Variants in PRELID2 observed in about 807,000 individuals in gnomAD.
PRELID2 encodes PRELI domain-containing protein 2.
A neutral mutation model predicts 28.4 loss-of-function variants in PRELID2; 25 were observed. The observed-to-expected ratio is 0.88, with a 90% CI of 0.64 to 1.23. The LOEUF (loss-of-function observed/expected upper bound fraction) is 1.23. PRELID2 is among the 50% of genes most tolerant of loss of function. The pLI is 0.00. For missense variants in PRELID2, 201 were observed against 214.4 expected, an observed-to-expected ratio of 0.94 and a Z score of 0.39; for synonymous variants, 76 against 71.6, an observed-to-expected ratio of 1.06 and a Z score of -0.31.
At chr5:145,256,587 G>A in the PRELID2 span, among the ~76,000 whole-genome samples, 1 of 151,876 alleles carries the variant, frequency 6.6e-6, no homozygotes, top group South Asian at 2.1e-4. Context: ...TTTGTGGGAG[G>A]GGACATTATT....
chr5:145,744,110 G>A (rs1756919514), intron 1 of PRELID2, among the ~76,000 whole-genome samples: 1 of 152,178 alleles, frequency 6.6e-6, no homozygotes, highest in Admixed American at 6.5e-5. Context: ...TTCCTCATTG[G>A]GTAGGGCTTC....
chr5:145,734,939 G>A (rs900834610), intron 1 of PRELID2, among the ~76,000 whole-genome samples: 1 of 152,104 alleles, frequency 6.6e-6, no homozygotes, highest in African/African-American at 2.4e-5. Flanking sequence ...TAACGGAAAT[G>A]TTTCATTTCA....
At chr5:145,713,407 A>T (rs1168107707) in intron 1 of PRELID2, among the ~76,000 whole-genome samples, 1 of 137,326 alleles carries the variant, frequency 7.3e-6, no homozygotes, top group African/African-American at 2.7e-5. Context: ...TCTGACTTTT[A>T]TATATACTTT....
intron 1 of PRELID2, among the ~76,000 whole-genome samples, chr5:145,741,587 T>C (rs1163662943): frequency 2.1e-5 from 2 of 94,802 alleles, no homozygotes; most frequent in African/African-American, 4.6e-5. Flanking sequence ...AAATAATTTA[T>C]ATATAAAATT....
chr5:145,575,095 C>T (rs1260099978), intron 1 of PRELID2, among the ~76,000 whole-genome samples: 1 of 152,142 alleles, frequency 6.6e-6, no homozygotes, highest in Admixed American at 6.6e-5. Context: ...TGTAGTGATG[C>T]TCTGAATCAT....
intron 1 of PRELID2, among the ~76,000 whole-genome samples, chr5:145,743,355 G>A (rs1213375006): frequency 6.7e-6 from 1 of 149,394 alleles, no homozygotes; most frequent in Admixed American, 6.7e-5. Flanking sequence ...AGGCTGCAGT[G>A]AGCTAAGATT....
chr5:145,568,241 G>C (rs1399894821), intron 1 of PRELID2, among the ~76,000 whole-genome samples: 1 of 152,172 alleles, frequency 6.6e-6, no homozygotes, highest in Non-Finnish European at 1.5e-5. Flanking sequence ...CACTCTAATA[G>C]AGACCCCTCC....
chr5:145,624,758 A>G (rs1361402366), intron 1 of PRELID2, among the ~76,000 whole-genome samples: 2 of 152,202 alleles, frequency 1.3e-5, no homozygotes, highest in Non-Finnish European at 2.9e-5. Flanking sequence ...AAACATTAAC[A>G]GCTTCTGTTC....
intron 1 of PRELID2, among the ~76,000 whole-genome samples, chr5:145,616,108 G>C (rs1581004670): frequency 6.6e-6 from 1 of 152,210 alleles, no homozygotes; most frequent in African/African-American, 2.4e-5. Flanking sequence ...TGAGAAGTCT[G>C]CTGTTAATCT....
chr5:145,298,498 A>G, the PRELID2 span, among the ~76,000 whole-genome samples: 1 of 152,224 alleles, frequency 6.6e-6, no homozygotes, highest in African/African-American at 2.4e-5. Flanking sequence ...TAAACATTGT[A>G]GCAGTTTTAA....
At chr5:145,423,694 G>A in the PRELID2 span, among the ~76,000 whole-genome samples, 1 of 111,976 alleles carries the variant, frequency 8.9e-6, no homozygotes, top group Non-Finnish European at 2.0e-5. Flanking sequence ...TCCTCCCGTA[G>A]CTCAGAGTAA....
the PRELID2 span, among the ~76,000 whole-genome samples, chr5:145,338,921 C>G: frequency 1.3e-5 from 2 of 152,130 alleles, no homozygotes; most frequent in African/African-American, 4.8e-5. Flanking sequence ...CTAAATCAAG[C>G]CTTACTGCGT....
chr5:145,384,100 C>T, the PRELID2 span, among the ~76,000 whole-genome samples: 4 of 152,052 alleles, frequency 2.6e-5, no homozygotes, highest in African/African-American at 4.8e-5. Context: ...AAAGTGAGAA[C>T]CACAATGATG....
chr5:145,462,593 G>A, the PRELID2 span, among the ~76,000 whole-genome samples: 12 of 152,178 alleles, frequency 7.9e-5, no homozygotes, highest in Non-Finnish European at 1.6e-4. Context: ...TCCCTACCCT[G>A]CTCTGTGACC....
chr5:145,248,364 T>C, the PRELID2 span, among the ~76,000 whole-genome samples: 1 of 152,142 alleles, frequency 6.6e-6, no homozygotes, highest in African/African-American at 2.4e-5. Flanking sequence ...TTAAAAATAT[T>C]AACTTAAAAT....
the PRELID2 span, among the ~76,000 whole-genome samples, chr5:145,386,828 C>T: frequency 2.0e-5 from 3 of 152,232 alleles, no homozygotes; most frequent in South Asian, 2.1e-4. Flanking sequence ...TATAGAGGAG[C>T]TTCAACCTCT....
At chr5:145,352,091 T>C in the PRELID2 span, among the ~76,000 whole-genome samples, 1 of 152,114 alleles carries the variant, frequency 6.6e-6, no homozygotes, top group Non-Finnish European at 1.5e-5. Flanking sequence ...CGTCAGTGGA[T>C]TTACCACTCT....
the PRELID2 span, among the ~76,000 whole-genome samples, chr5:145,397,933 C>T: frequency 2.6e-5 from 4 of 152,104 alleles, no homozygotes; most frequent in Admixed American, 2.6e-4. Flanking sequence ...CTGATCCCTT[C>T]AGATGAGCAA....
At chr5:145,517,512 T>C (rs1488580531) in intron 1 of PRELID2, among the ~76,000 whole-genome samples, 1 of 152,056 alleles carries the variant, frequency 6.6e-6, no homozygotes, top group East Asian at 1.9e-4. Context: ...GATGTGGAGA[T>C]ATATATAGGA....
Sources: gnomAD v4.1 joint callset for allele counts (sites outside exome capture counted in the v4.1 genomes callset) on GRCh38, gnomAD v4.1.1 for gene constraint, MANE v1.5 for transcripts, NCBI Gene and HGNC (gene_info 2026-07-23, HGNC 2026-07-21) for gene names.